The following THAP3 variants were observed in gnomAD, a reference collection of about 807,000 sequenced individuals.
THAP3 encodes THAP domain containing 3, also known as THAP domain-containing protein 3.
THAP3 carries 12 observed loss-of-function variants against 17.7 expected under a neutral mutation model. The ratio of observed to expected loss-of-function variants is 0.68; its 90% CI spans 0.43 to 1.10. THAP3 has a LOEUF of 1.10. Among genes scored for constraint, THAP3 ranks in the 50% least tolerant of loss-of-function variants. The pLI, the probability that THAP3 is intolerant of heterozygous loss-of-function variation, is 0.00. For synonymous variants in THAP3, 133 were observed against 126.9 expected, an observed-to-expected ratio of 1.05 and a Z score of -0.32; for missense variants, 289 against 318.0, an observed-to-expected ratio of 0.91 and a Z score of 0.69.
intron 5 of THAP3, 89 bp from the exon 6 acceptor site, chr1:6,632,707 T>A: frequency 6.5e-7 from 1 of 1,531,124 alleles, no homozygotes; most frequent in Non-Finnish European, 9.0e-7. Context: ...GCCCTGGGGT[T>A]GTGCTGTGTG....
At chr1:6,630,744 T>A (rs1641587906) in intron 4 of THAP3, among the ~76,000 whole-genome samples, 2 of 152,052 alleles carry the variant, frequency 1.3e-5, no homozygotes, top group South Asian at 4.1e-4. Flanking sequence ...CTAATTTTTG[T>A]GTTTTGAAAT....
In THAP3 at chr1:6,633,012, C is replaced by T. The variant is rs142247203; in HGVS notation, c.655C>T (p.Arg219Cys). The T allele has an allele frequency of 1.3e-3, 2,019 of 1,612,310 alleles. 21 individuals carry two copies. In the African/African-American group the frequency reaches 0.022, roughly 18 times the overall value. ...QRLVMRRMSS[R>C]LRACKGHQGL... The stretch of plus-strand genomic sequence containing the variant: ...GCTGGTGATGCGAAGGATGTCCAGC[C>T]GCCTCCGTGCTTGCAAAGGGCACCA... The change falls in exon 6 of 6, where the codon CGC (arginine) becomes TGC (cysteine). Residue 219 changes from arginine (R) to cysteine (C), a missense_variant. Transcript: ENST00000054650.
Position 6,630,353 on chromosome 1 carries a change from G to T in THAP3, c.333G>T (p.Lys111Asn). Residue 111 changes from lysine to asparagine, a missense_variant and splice_region_variant, in exon 4 of 6, where the codon AAG (lysine) becomes AAT (asparagine). By Grantham distance (94) the Lys-to-Asn change is moderately conservative (BLOSUM62 0). Transcript: ENST00000054650. ...ATGCCAGCTCTTCTCAGAAAGAAAA[G>T]GTGAGTGCACCGGGCCAGGTACTTG... ...RGNASSSQKE[K>N]VLPEAGAGED... 6.2e-7 allele frequency: 1 copy of T among 1,614,106 alleles called. No individual in the cohort carries two copies. Among genetic ancestry groups the T allele is most frequent in the Non-Finnish European group, 8.5e-7 (1 of 1,179,968 alleles).
chr1:6,634,861 TCCTGTC>T (rs2148724451), downstream of THAP3: 2 of 1,223,200 alleles, frequency 1.6e-6, no homozygotes, highest in African/African-American at 3.1e-5. Flanking sequence ...AAGCGCCTGG[TCCTGTC>T]CTCTTGAGCT....
In THAP3 at chr1:6,633,408, ATGC is replaced by A; in HGVS notation, c.*333_*335del. ...ATCGTTGGAAGCCCCAGTGTGGGAG[ATGC>A]TCCTCAGGGAGGAAGCCATGTGAGG... On this transcript the variant is annotated 3_prime_UTR_variant, in exon 6 of 6. Transcript: ENST00000054650. 8.3e-7 allele frequency: 1 copy of A among 1,203,034 alleles called. No individual in the cohort carries two copies. 74.5% of individuals were successfully genotyped at this position (1,203,034 alleles called of 1,614,324 possible).
downstream of THAP3, chr1:6,634,302 C>T (rs368884220): frequency 8.6e-6 from 8 of 928,486 alleles, no homozygotes; most frequent in East Asian, 2.7e-5. Flanking sequence ...TCATGCAACA[C>T]GACGCTCACC....
intron 3 of THAP3, among the ~76,000 whole-genome samples, chr1:6,628,921 G>C (rs1239269225): frequency 6.6e-6 from 1 of 152,228 alleles, no homozygotes; most frequent in Non-Finnish European, 1.5e-5. Context: ...TTATTCTATG[G>C]CTGGGTGCGG....
intron 2 of THAP3, 26 bp downstream of exon 2, chr1:6,625,318 G>C (rs1175286513): frequency 2.0e-6 from 3 of 1,522,066 alleles, no homozygotes; most frequent in African/African-American, 2.9e-5. Flanking sequence ...CCGGGGGCGC[G>C]GGAGGCCCAG....
At position 6,633,371 on chromosome 1, in the gene THAP3, C is replaced by A. The variant is rs551416388; in HGVS notation, c.*294C>A. ...TTCTGGACGCTGTCCTTTCAGCACA[C>A]GCAGAGCAAAGATCGTTGGAAGCCC... On this transcript the variant is annotated 3_prime_UTR_variant, in exon 6 of 6. Transcript: ENST00000054650. 3 of 1,282,240 alleles carry A rather than the reference C, an allele frequency of 2.3e-6. No individual in the cohort carries two copies. The East Asian group carries it at 1.1e-4, about 47-fold the overall frequency. The allele number at this position is 1,282,240 out of a possible 1,614,324, so 79.4% of individuals were successfully genotyped here.
At chr1:6,635,002 C>T (rs1039775078), downstream of THAP3, 4 of 588,072 alleles carry the variant, frequency 6.8e-6, no homozygotes, top group Non-Finnish European at 7.4e-6. Flanking sequence ...TGTGTCAGGG[C>T]TAGGCCCTGG....
rs760663736 is a variant in THAP3, at chr1:6,632,454, G to C, written c.397G>C (p.Glu133Gln). Residue 133 changes from glutamate to glutamine, a missense_variant, in exon 5 of 6, where the codon GAG (glutamate) becomes CAG (glutamine). Physicochemically the swap from Glu to Gln is conservative, Grantham distance 29. Transcript: ENST00000054650. ...GAGAAACATGGACACTGCACTTGAAGAGCTTCAGTTGCCCCCAAATGCCGA... is the reference window on the plus strand; with the variant it reads ...GAGAAACATGGACACTGCACTTGAACAGCTTCAGTTGCCCCCAAATGCCGA... ...PGRNMDTALE[E>Q]LQLPPNAEGH... 6 of 1,614,064 alleles carry C rather than the reference G, an allele frequency of 3.7e-6. No individual in the cohort carries two copies. In the African/African-American group the frequency reaches 8.0e-5, roughly 22 times the overall value.
chr1:6,630,204 C>T (rs1231264739), intron 3 of THAP3, 84 bp from the exon 4 acceptor site: 20 of 1,211,628 alleles, frequency 1.7e-5, no homozygotes, highest in Admixed American at 1.0e-4. Flanking sequence ...GGCCGAGCAG[C>T]GGGGACAAGC....
chr1:6,628,213 G>A (rs1641515086), intron 2 of THAP3: 2 of 393,956 alleles, frequency 5.1e-6, no homozygotes, highest in Non-Finnish European at 9.1e-6. Flanking sequence ...CCCATCCCTA[G>A]CACGAAGAAC....
intron 4 of THAP3, among the ~76,000 whole-genome samples, chr1:6,631,585 A>G (rs1641616241): frequency 2.0e-5 from 3 of 152,018 alleles, no homozygotes; most frequent in Non-Finnish European, 4.4e-5. Flanking sequence ...CCTGGCCAAC[A>G]TGGTGAAACT....
intron 4 of THAP3, among the ~76,000 whole-genome samples, chr1:6,631,262 C>T (rs1641606401): frequency 6.6e-6 from 1 of 151,338 alleles, no homozygotes; most frequent in Admixed American, 6.6e-5. Context: ...GGGGATTCTC[C>T]TGCCTTGGCC....
downstream of THAP3, chr1:6,634,624 C>T (rs1641720101): frequency 1.5e-6 from 2 of 1,366,470 alleles, no homozygotes; most frequent in Non-Finnish European, 2.0e-6. Context: ...CGTAACTTTA[C>T]TGCAGCCGAG....
In THAP3 at chr1:6,625,216, G is replaced by C. The variant is rs1263962323; in HGVS notation, c.-3G>C. On this transcript the variant is annotated 5_prime_UTR_variant, in exon 2 of 6. Coordinates refer to ENST00000054650, the MANE Select transcript of THAP3 (RefSeq NM_001195753.2). ...TGTTGGGGGCAGCCAGGCCTGGCTC[G>C]AGATGCCGAAGTCGTGCGCGGCCCG... 1.6e-5 allele frequency: 24 copies of C among 1,541,372 alleles called. No homozygotes were observed. The highest frequency in any genetic ancestry group is 1.9e-5 in the Non-Finnish European group (22 of 1,145,254).
downstream of THAP3, chr1:6,633,904 G>A (rs1023372764): frequency 1.2e-5 from 11 of 910,704 alleles, no homozygotes; most frequent in African/African-American, 1.7e-5. Context: ...GTGACAGAGC[G>A]AGACTCAGTC....
intron 4 of THAP3, among the ~76,000 whole-genome samples, chr1:6,631,261 C>T (rs888151091): frequency 2.6e-5 from 4 of 151,500 alleles, no homozygotes; most frequent in Admixed American, 2.0e-4. Flanking sequence ...AGGGGATTCT[C>T]CTGCCTTGGC....
Sources: allele counts gnomAD v4.1 joint callset (sites outside exome capture counted in the v4.1 genomes callset), GRCh38; gene constraint gnomAD v4.1.1; transcripts MANE v1.5; gene names NCBI Gene and HGNC (gene_info 2026-07-23, HGNC 2026-07-21).